ADGRL3: variants seen among roughly 807,000 people sequenced by gnomAD.
ADGRL3 encodes adhesion G protein-coupled receptor L3, also known as calcium-independent alpha-latrotoxin receptor 3.
In ADGRL3, 62 loss-of-function variants were observed where a neutral mutation model predicts 153.5. The observed-to-expected ratio is 0.40, with a 90% CI of 0.33 to 0.50. The LOEUF is 0.50. Among genes scored for constraint, ADGRL3 ranks in the 20% least tolerant of loss-of-function variants. The pLI is 0.47. For missense variants in ADGRL3, 1,641 were observed against 1,859.4 expected (o/e 0.88, Z 2.16); for synonymous variants, 710 against 672.5 (o/e 1.06, Z -0.86).
intron 6 of ADGRL3, among the ~76,000 whole-genome samples, chr4:61,680,912 T>C (rs1383358579): frequency 1.3e-5 from 2 of 152,108 alleles, no homozygotes; most frequent in African/African-American, 2.4e-5. Flanking sequence ...CTGACAAAAT[T>C]TGGAACAGAT....
chr4:61,997,130 G>A (rs936886774), intron 20 of ADGRL3, among the ~76,000 whole-genome samples: 1 of 151,680 alleles, frequency 6.6e-6, no homozygotes, highest in Non-Finnish European at 1.5e-5. Flanking sequence ...TACATATATT[G>A]CGTAATACAC....
At chr4:61,364,172 TA>T (rs996039154) in intron 1 of ADGRL3, among the ~76,000 whole-genome samples, 49 of 144,118 alleles carry the variant, frequency 3.4e-4, no homozygotes, top group Admixed American at 3.5e-4. Context: ...TCTACTAAAA[TA>T]AAAAAAAAAA....
At chr4:61,531,246 G>T (rs566876569) in intron 4 of ADGRL3, among the ~76,000 whole-genome samples, 3 of 152,066 alleles carry the variant, frequency 2.0e-5, no homozygotes, top group Admixed American at 1.3e-4. Context: ...ATAATTAGGC[G>T]CATTGCTACC....
At chr4:61,518,636 C>T (rs1560772306) in intron 4 of ADGRL3, among the ~76,000 whole-genome samples, 2 of 152,254 alleles carry the variant, frequency 1.3e-5, no homozygotes, top group South Asian at 2.1e-4. Context: ...TTGCATTCAC[C>T]GTAGCTCTGT....
intron 6 of ADGRL3, among the ~76,000 whole-genome samples, chr4:61,690,435 A>AT (rs199860912): frequency 0.026 from 3,774 of 147,130 alleles, 186 homozygotes; most frequent in East Asian, 0.15. Context: ...ACCCTGTCTC[A>AT]TTTTTTTTTT....
chr4:61,922,998 G>A lies in ADGRL3; in HGVS notation c.2112+10241G>A, dbSNP rs566755508. Among the ~76,000 whole-genome samples, 14 of 152,312 alleles carry A rather than the reference G, an allele frequency of 9.2e-5. No individual in the cohort carries two copies. The East Asian group carries it at 2.7e-3, about 29-fold the overall frequency. ...GGATCAGGGAAGACTTTCTAAGGAA[G>A]TGATAGGCAATTCAGCAATGTGACT... On this transcript the variant is annotated intron_variant, in intron 13 of 26. Transcript: ENST00000683033.
intron 5 of ADGRL3, among the ~76,000 whole-genome samples, chr4:61,640,992 T>C (rs1331351659): frequency 2.0e-5 from 3 of 152,156 alleles, no homozygotes; most frequent in Non-Finnish European, 4.4e-5. Flanking sequence ...GATCACTATA[T>C]ATTGTTTCCA....
At chr4:61,928,743 C>T (rs539311972) in intron 13 of ADGRL3, among the ~76,000 whole-genome samples, 1 of 152,238 alleles carries the variant, frequency 6.6e-6, no homozygotes, top group East Asian at 1.9e-4. Flanking sequence ...CCCTGCCTCC[C>T]TCCCAAATCA....
rs547101878 is a variant in ADGRL3 at position 62,044,258 on chromosome 4, T to C, written c.3718-195T>C. On this transcript the variant is annotated intron_variant, in intron 24 of 26. Coordinates refer to ENST00000683033, the MANE Select transcript of ADGRL3 (RefSeq NM_001387552.1). The stretch of plus-strand genomic sequence containing the variant: ...GTATATAGGCATTTAGGAATACAGT[T>C]AATGAGAACCATATATTATCATGAA... Among the ~76,000 whole-genome samples, 17 of 152,196 alleles carry C rather than the reference T, an allele frequency of 1.1e-4. No homozygotes were observed. In the South Asian group the frequency reaches 3.5e-3, roughly 32 times the overall value.
At chr4:61,730,599 CT>C in intron 6 of ADGRL3, 22 bp from the exon 7 acceptor site, 1 of 522,986 alleles carries the variant, frequency 1.9e-6, no homozygotes, top group Non-Finnish European at 3.3e-6. Context: ...TCCTTTCTCT[CT>C]TTACTTCTCT....
intron 8 of ADGRL3, among the ~76,000 whole-genome samples, chr4:61,778,673 T>C (rs2097180328): frequency 6.6e-6 from 1 of 152,248 alleles, no homozygotes; most frequent in Non-Finnish European, 1.5e-5. Flanking sequence ...TTATTAATAT[T>C]AACCATTAGT....
chr4:61,259,375 A>C (rs2092314728), intron 1 of ADGRL3, among the ~76,000 whole-genome samples: 1 of 151,970 alleles, frequency 6.6e-6, no homozygotes, highest in Non-Finnish European at 1.5e-5. Flanking sequence ...GTGAGCCGAG[A>C]TTGCGCCACT....
intron 5 of ADGRL3, among the ~76,000 whole-genome samples, chr4:61,662,126 A>C (rs2094613775): frequency 6.6e-6 from 1 of 152,200 alleles, no homozygotes; most frequent in Non-Finnish European, 1.5e-5. Flanking sequence ...AACAGACGGA[A>C]GTCCCATTCC....
intron 21 of ADGRL3, among the ~76,000 whole-genome samples, chr4:62,005,912 A>G (rs1335946211): frequency 1.4e-5 from 2 of 147,086 alleles, no homozygotes; most frequent in Non-Finnish European, 3.0e-5. Flanking sequence ...TTCAGAGTTT[A>G]CAAAATTTGC....
chr4:61,744,717 A>T (rs548598160), intron 8 of ADGRL3, among the ~76,000 whole-genome samples: 7 of 152,130 alleles, frequency 4.6e-5, no homozygotes, highest in Non-Finnish European at 1.0e-4. Flanking sequence ...CCATCTGTAC[A>T]TCACCATCAT....
chr4:61,585,627 C>G (rs2098943286), intron 4 of ADGRL3, among the ~76,000 whole-genome samples: 1 of 152,014 alleles, frequency 6.6e-6, no homozygotes. Flanking sequence ...AACTGATTCT[C>G]TTAGTGTGGA....
At chr4:61,692,311 A>G (rs1474996315) in intron 6 of ADGRL3, among the ~76,000 whole-genome samples, 1 of 140,174 alleles carries the variant, frequency 7.1e-6, no homozygotes, top group Non-Finnish European at 1.5e-5. Context: ...CTCTTCTCTG[A>G]ATTTCCTTTC....
intron 9 of ADGRL3, among the ~76,000 whole-genome samples, chr4:61,846,875 T>G (rs2149076108): frequency 6.6e-6 from 1 of 151,676 alleles, no homozygotes; most frequent in Admixed American, 6.6e-5. Context: ...CCACATGCTT[T>G]CAAATGACGA....
rs572098531 is a variant in ADGRL3 at position 61,342,436 on chromosome 4, A to T, written c.-239-40688A>T. ...ATTTCTCTAGAGAAATGCCGTACAG[A>T]TACAATTCTTTTATGCTTTGTCAAC... On this transcript the variant is annotated intron_variant, in intron 1 of 26. Transcript: ENST00000683033. Among the ~76,000 whole-genome samples the T allele has an allele frequency of 3.9e-5, 6 of 152,250 alleles. No individual in the cohort carries two copies. In the East Asian group the frequency reaches 7.7e-4, roughly 20 times the overall value.
Sources: gnomAD v4.1 joint callset for allele counts (sites outside exome capture counted in the v4.1 genomes callset) on GRCh38, gnomAD v4.1.1 for gene constraint, MANE v1.5 for transcripts, NCBI Gene and HGNC (gene_info 2026-07-23, HGNC 2026-07-21) for gene names.